PRSS53: variants seen among roughly 807,000 people sequenced by gnomAD.
The protein encoded by PRSS53 is serine protease 53, also known as EDTP308.
Under a neutral mutation model 62.7 loss-of-function variants are expected in PRSS53, and 54 were observed. That is an observed-to-expected ratio of 0.86 (90% confidence interval 0.69 to 1.08). The LOEUF (loss-of-function observed/expected upper bound fraction) is 1.08. Among genes scored for constraint, PRSS53 ranks in the 50% least tolerant of loss-of-function variants. The pLI is 0.00. For synonymous variants in PRSS53, 273 were observed against 300.0 expected (o/e 0.91, Z 0.93); for missense variants, 688 against 728.3 (o/e 0.94, Z 0.64).
exon 11 of PRSS53, chr16:31,083,702 A>G: frequency 6.2e-7 from 1 of 1,608,864 alleles, no homozygotes; most frequent in South Asian, 1.1e-5. Flanking sequence ...GGTGCCTGGA[A>G]TCACACATGA....
At chr16:31,086,597 G>A (rs889839538) in intron 4 of PRSS53, 36 bp downstream of exon 4, 5 of 1,544,278 alleles carry the variant, frequency 3.2e-6, no homozygotes, top group Non-Finnish European at 3.5e-6. Flanking sequence ...GGCAAGCAGA[G>A]TGCCTCTCCG....
chr16:31,084,828 G>A, exon 8 of PRSS53: 1 of 1,547,256 alleles, frequency 6.5e-7, no homozygotes, highest in South Asian at 1.2e-5. Context: ...TCCCCATCAG[G>A]CAGGTGGTGG....
chr16:31,088,745 G>A lies in PRSS53; in HGVS notation c.58+7C>T, dbSNP rs146786245. The A allele has an allele frequency of 1.8e-4, 291 of 1,613,396 alleles. No individual in the cohort carries two copies. The East Asian group carries it at 6.0e-3, about 33-fold the overall frequency. ...CCACACCCATACCCCAGCACATGGCGGCTTACCCTCCATGAGGACTGTGGC... is the reference window on the plus strand; with the variant it reads ...CCACACCCATACCCCAGCACATGGCAGCTTACCCTCCATGAGGACTGTGGC... On this transcript the variant is annotated splice_region_variant and intron_variant, in intron 1 of 10. Coordinates refer to ENST00000280606, the Ensembl canonical transcript of PRSS53.
At chr16:31,088,892 C>G in exon 1 of PRSS53, 2 of 1,582,742 alleles carry the variant, frequency 1.3e-6, no homozygotes, top group Non-Finnish European at 1.7e-6. Flanking sequence ...TGCTCCACCT[C>G]CAGTTGGCTA....
In PRSS53 at chr16:31,086,507, G is replaced by A. The variant is rs772106321; in HGVS notation, c.509-16C>T. ...GTCCCAGGAGCTGGTGAAAGAGACGGGGCTGGGGCTAGAGTCTGGGATCTG... is the reference window on the plus strand; with the variant it reads ...GTCCCAGGAGCTGGTGAAAGAGACGAGGCTGGGGCTAGAGTCTGGGATCTG... On this transcript the variant is annotated splice_polypyrimidine_tract_variant and intron_variant, in intron 4 of 10. Coordinates refer to ENST00000280606, the Ensembl canonical transcript of PRSS53. 3 of 1,604,588 alleles carry A rather than the reference G, an allele frequency of 1.9e-6. No homozygotes were observed. The highest frequency in any genetic ancestry group is 4.5e-5 in the East Asian group (2 of 44,676).
At position 31,087,773 on chromosome 16, in the gene PRSS53, G is replaced by GT. The variant is rs764102629; in HGVS notation, c.79+32dup. On this transcript the variant is annotated intron_variant, in intron 2 of 10. Transcript: ENST00000280606. ...CACCCCAGTCCCAACCCAGACCCAA[G>GT]TAAGACCTAGGCCCCGTGTCCCCAG... 3.7e-6 allele frequency: 6 copies of GT among 1,614,036 alleles called. No individual in the cohort carries two copies. The Admixed American group carries it at 1.0e-4, about 27-fold the overall frequency.
At position 31,084,980 on chromosome 16, in the gene PRSS53, G is replaced by A. The variant is rs1169290199; in HGVS notation, c.1079C>T (p.Pro360Leu). 1.4e-5 allele frequency: 22 copies of A among 1,569,648 alleles called. No homozygotes were observed. Among genetic ancestry groups the A allele is most frequent in the East Asian group, 6.8e-5 (3 of 43,852 alleles). Residue 360 changes from proline (P) to leucine (L), a missense_variant, in exon 8 of 11, where the codon CCG becomes CTG. Pro to Leu is a moderately conservative substitution (Grantham distance 98). Coordinates refer to ENST00000280606, the Ensembl canonical transcript of PRSS53. ...GAGCTGCTTCAGGCCCCACTCCTCCGGTCTGGTCCCCAGCCCTACGCTCCA... is the reference window on the plus strand; with the variant it reads ...GAGCTGCTTCAGGCCCCACTCCTCCAGTCTGGTCCCCAGCCCTACGCTCCA...
chr16:31,086,300 C>A (rs755533419), intron 5 of PRSS53, 37 bp downstream of exon 5: 2 of 1,590,776 alleles, frequency 1.3e-6, no homozygotes, highest in Admixed American at 3.4e-5. Flanking sequence ...AGGGTTAGGC[C>A]CCTCCCCTTC....
chr16:31,084,277 A>T, exon 10 of PRSS53: 1 of 1,612,900 alleles, frequency 6.2e-7, no homozygotes, highest in Non-Finnish European at 8.5e-7. Context: ...GAAGCTGTGC[A>T]GCCCGGCCAG....
intron 1 of PRSS53, 37 bp downstream of exon 1, chr16:31,088,715 C>T: frequency 2.5e-6 from 4 of 1,612,162 alleles, no homozygotes; most frequent in Non-Finnish European, 3.4e-6. Flanking sequence ...TGAGCCCCCA[C>T]CAGGCCACAC....
intron 1 of PRSS53, 102 bp from the exon 2 acceptor site, chr16:31,087,928 G>A (rs2057251864): frequency 3.8e-6 from 6 of 1,564,892 alleles, no homozygotes; most frequent in East Asian, 2.4e-5. Context: ...GTCCTTGCCT[G>A]TGACTCTGAT....
chr16:31,083,612 T>C, exon 11 of PRSS53: 1 of 1,492,750 alleles, frequency 6.7e-7, no homozygotes. Context: ...CAGACACCCC[T>C]GTCCTGCAGG....
chr16:31,088,809 T>C (rs767321218), exon 1 of PRSS53: 1 of 1,613,738 alleles, frequency 6.2e-7, no homozygotes, highest in South Asian at 1.1e-5. Flanking sequence ...CACCACTTCA[T>C]GCTGCCCCGG....
At chr16:31,088,408 GATGAA>G in intron 1 of PRSS53, 5 of 1,190,394 alleles carry the variant, frequency 4.2e-6, no homozygotes, top group Non-Finnish European at 5.3e-6. Context: ...CCAGAGGATG[GATGAA>G]AAGAAAGGGA....
intron 4 of PRSS53, 38 bp downstream of exon 4, chr16:31,086,595 G>C: frequency 1.3e-6 from 2 of 1,545,792 alleles, no homozygotes; most frequent in Non-Finnish European, 1.8e-6. Flanking sequence ...TGGGCAAGCA[G>C]AGTGCCTCTC....
exon 3 of PRSS53, chr16:31,087,677 G>A (rs1183475481): frequency 6.8e-6 from 11 of 1,611,982 alleles, no homozygotes; most frequent in Non-Finnish European, 8.5e-6. Context: ...GCTTGGGGGG[G>A]CCGGGGCCAC....
At chr16:31,085,488 C>G (rs1056118063) in intron 6 of PRSS53, among the ~76,000 whole-genome samples, 3 of 152,194 alleles carry the variant, frequency 2.0e-5, no homozygotes, top group Non-Finnish European at 4.4e-5. Flanking sequence ...GATGGGACCC[C>G]TGTCCCAGCC....
At chr16:31,084,820 C>A in exon 8 of PRSS53, 5 of 1,542,184 alleles carry the variant, frequency 3.2e-6, no homozygotes, top group Non-Finnish European at 4.4e-6. Context: ...AGCCACGCTC[C>A]CCATCAGGCA....
At chr16:31,088,177 T>C in intron 1 of PRSS53, 2 of 1,247,184 alleles carry the variant, frequency 1.6e-6, no homozygotes, top group Non-Finnish European at 1.0e-6. Flanking sequence ...ATTAGCTTAA[T>C]TGTCCTCTTA....
Sources: gnomAD v4.1 joint callset for allele counts (sites outside exome capture counted in the v4.1 genomes callset) on GRCh38, gnomAD v4.1.1 for gene constraint, MANE v1.5 for transcripts, NCBI Gene and HGNC (gene_info 2026-07-23, HGNC 2026-07-21) for gene names.